Variants in GALNT13 observed in about 807,000 individuals in gnomAD.
GALNT13 encodes polypeptide N-acetylgalactosaminyltransferase 13.
In GALNT13, 28 loss-of-function variants were observed where a neutral mutation model predicts 64.2. That is an observed-to-expected ratio of 0.44 (90% CI 0.32 to 0.60). The LOEUF is 0.60. Ranked by LOEUF, GALNT13 falls within the 20% of genes least tolerant of loss-of-function variation. The pLI is 0.05. For synonymous variants in GALNT13, 214 were observed against 224.6 expected (o/e 0.95, Z 0.42); for missense variants, 577 against 669.8 (o/e 0.86, Z 1.53).
chr2:153,698,441 T>C, the GALNT13 span, among the ~76,000 whole-genome samples: 1 of 151,950 alleles, frequency 6.6e-6, no homozygotes, highest in African/African-American at 2.4e-5. Context: ...GGCGTCACAA[T>C]CCTAGTCTCT....
upstream of GALNT13, among the ~76,000 whole-genome samples, chr2:153,867,115 A>T (rs1157545376): frequency 6.6e-6 from 1 of 152,250 alleles, no homozygotes; most frequent in Non-Finnish European, 1.5e-5. Context: ...TATATATGAA[A>T]TAGAATTACT....
chr2:154,384,922 G>A (rs961359879), intron 9 of GALNT13, among the ~76,000 whole-genome samples: 4 of 151,830 alleles, frequency 2.6e-5, no homozygotes, highest in Admixed American at 2.6e-4. Flanking sequence ...GCATTAAAAT[G>A]TCCCCTAATT....
chr2:153,783,499 G>A, the GALNT13 span, among the ~76,000 whole-genome samples: 2 of 152,028 alleles, frequency 1.3e-5, no homozygotes, highest in South Asian at 4.2e-4. Flanking sequence ...TATTTCATCA[G>A]TCACCTTCAA....
At chr2:153,855,627 A>G in the GALNT13 span, among the ~76,000 whole-genome samples, 1 of 152,184 alleles carries the variant, frequency 6.6e-6, no homozygotes, top group Non-Finnish European at 1.5e-5. Flanking sequence ...AACCTCATAC[A>G]TTGCTGGTGG....
At chr2:153,994,251 C>T (rs1183399370) in intron 3 of GALNT13, among the ~76,000 whole-genome samples, 3 of 152,156 alleles carry the variant, frequency 2.0e-5, no homozygotes, top group Non-Finnish European at 4.4e-5. Context: ...TGAACTCATC[C>T]TTTTTTATGC....
intron 2 of GALNT13, among the ~76,000 whole-genome samples, chr2:153,914,860 T>A (rs1215029489): frequency 6.6e-6 from 1 of 152,138 alleles, no homozygotes; most frequent in Admixed American, 6.6e-5. Flanking sequence ...TTCTGGACAA[T>A]CCTCCAGTGG....
chr2:153,721,860 A>C, the GALNT13 span, among the ~76,000 whole-genome samples: 3 of 151,540 alleles, frequency 2.0e-5, no homozygotes, highest in Non-Finnish European at 4.4e-5. Flanking sequence ...TAATAATCGG[A>C]GACTTTAACA....
the GALNT13 span, among the ~76,000 whole-genome samples, chr2:153,316,318 A>G: frequency 6.6e-6 from 1 of 152,038 alleles, no homozygotes; most frequent in East Asian, 1.9e-4. Context: ...CAATTATCCA[A>G]CAGAAATAAT....
intron 10 of GALNT13, among the ~76,000 whole-genome samples, chr2:154,406,572 A>G (rs1699553055): frequency 6.6e-6 from 1 of 152,108 alleles, no homozygotes; most frequent in South Asian, 2.1e-4. Context: ...AGATGAAAAT[A>G]TGGTTGCTCT....
chr2:153,351,476 C>G, the GALNT13 span, among the ~76,000 whole-genome samples: 1 of 152,176 alleles, frequency 6.6e-6, no homozygotes, highest in African/African-American at 2.4e-5. Context: ...TCATCACCAA[C>G]CAGAATCCAT....
chr2:154,449,487 A>T (rs1223061277), intron 12 of GALNT13, among the ~76,000 whole-genome samples: 3 of 151,698 alleles, frequency 2.0e-5, no homozygotes, highest in Non-Finnish European at 4.4e-5. Flanking sequence ...TTGCAAAAAA[A>T]AAAGTATCTA....
chr2:153,823,478 A>G, the GALNT13 span, among the ~76,000 whole-genome samples: 8 of 152,168 alleles, frequency 5.3e-5, no homozygotes, highest in African/African-American at 1.7e-4. Flanking sequence ...TCACACAACC[A>G]TATGATCCTT....
intron 3 of GALNT13, among the ~76,000 whole-genome samples, chr2:153,971,625 A>G (rs759931142): frequency 6.6e-6 from 1 of 152,184 alleles, no homozygotes; most frequent in Non-Finnish European, 1.5e-5. Context: ...TAAGCATGCA[A>G]AATTTATAGA....
At chr2:153,667,877 G>A in the GALNT13 span, among the ~76,000 whole-genome samples, 17 of 151,930 alleles carry the variant, frequency 1.1e-4, no homozygotes, top group East Asian at 1.9e-3. Context: ...GTCTTCAAGG[G>A]ACCCATCTAA....
the GALNT13 span, among the ~76,000 whole-genome samples, chr2:153,221,653 A>G: frequency 6.6e-6 from 1 of 152,104 alleles, no homozygotes; most frequent in Non-Finnish European, 1.5e-5. Flanking sequence ...ACTGGCCTGG[A>G]TCCCCCGCCT....
chr2:153,469,441 G>C, the GALNT13 span, among the ~76,000 whole-genome samples: 1 of 152,096 alleles, frequency 6.6e-6, no homozygotes, highest in African/African-American at 2.4e-5. Context: ...CTCAGAGCGG[G>C]AGATGATACT....
the GALNT13 span, among the ~76,000 whole-genome samples, chr2:153,530,825 TG>T: frequency 6.6e-6 from 1 of 152,150 alleles, no homozygotes. Flanking sequence ...CTGGGAAAAC[TG>T]GATACCCATA....
intron 9 of GALNT13, among the ~76,000 whole-genome samples, chr2:154,373,263 G>A (rs1164110640): frequency 6.6e-6 from 1 of 152,088 alleles, no homozygotes. Context: ...ATTGAATTTA[G>A]TTGTGCTAGT....
chr2:154,340,257 T>C (rs1695685473), intron 9 of GALNT13, among the ~76,000 whole-genome samples: 1 of 152,114 alleles, frequency 6.6e-6, no homozygotes, highest in South Asian at 2.1e-4. Context: ...TTCATTTATT[T>C]ACTTATTTAC....
Sources: gnomAD v4.1 joint callset for allele counts (sites outside exome capture counted in the v4.1 genomes callset) on GRCh38, gnomAD v4.1.1 for gene constraint, MANE v1.5 for transcripts, NCBI Gene and HGNC (gene_info 2026-07-23, HGNC 2026-07-21) for gene names.